The following PEX13 variants were observed in gnomAD, a reference collection of about 807,000 sequenced individuals.
PEX13 encodes the protein peroxisome biogenesis factor 13.
A neutral mutation model predicts 34.5 loss-of-function variants in PEX13; 28 were observed. That is an observed-to-expected ratio of 0.81 (90% CI 0.60 to 1.11). The LOEUF is 1.11. Ranked by LOEUF, PEX13 falls within the 50% of genes most tolerant of loss-of-function variation. The probability of loss-of-function intolerance (pLI) is 0.00; values close to 1 mark genes in which losing one functional copy is unlikely to be tolerated. For missense variants in PEX13, 550 were observed against 491.0 expected, an observed-to-expected ratio of 1.12 and a Z score of -1.13; for synonymous variants, 177 against 175.1, an observed-to-expected ratio of 1.01 and a Z score of -0.09.
chr2:61,045,124 A>G (rs1162753425), intron 2 of PEX13, among the ~76,000 whole-genome samples: 1 of 152,244 alleles, frequency 6.6e-6, no homozygotes, highest in Non-Finnish European at 1.5e-5. Flanking sequence ...AATATGCTCA[A>G]TTAAAACCAC....
At chr2:61,027,839 C>CT (rs1393367838) in intron 1 of PEX13, among the ~76,000 whole-genome samples, 4 of 152,150 alleles carry the variant, frequency 2.6e-5, no homozygotes, top group African/African-American at 9.7e-5. Context: ...ATGCACTGCA[C>CT]TATCTGGCCG....
chr2:61,028,484 G>A (rs919355860), intron 1 of PEX13, among the ~76,000 whole-genome samples: 26 of 151,708 alleles, frequency 1.7e-4, no homozygotes, highest in Admixed American at 8.5e-4. Flanking sequence ...CCGCCTCTGG[G>A]GTTCAAGCGA....
intron 1 of PEX13, among the ~76,000 whole-genome samples, chr2:61,022,153 G>A (rs927591083): frequency 3.3e-5 from 5 of 152,264 alleles, no homozygotes; most frequent in African/African-American, 9.6e-5. Flanking sequence ...TGCCAGCAAC[G>A]GAACAAAGCT....
At chr2:61,021,244 T>TGGG (rs1016308113) in intron 1 of PEX13, among the ~76,000 whole-genome samples, 1 of 151,960 alleles carries the variant, frequency 6.6e-6, no homozygotes, top group African/African-American at 2.4e-5. Context: ...CGCAAGGGAT[T>TGGG]GGGGGATTTC....
intron 2 of PEX13, among the ~76,000 whole-genome samples, chr2:61,035,983 T>TAAA (rs1200600005): frequency 1.0e-5 from 1 of 98,368 alleles, no homozygotes. Context: ...AACTCCATCT[T>TAAA]AAAAAAAAAA....
At chr2:61,036,294 CT>C (rs1680533171) in intron 2 of PEX13, among the ~76,000 whole-genome samples, 1 of 152,138 alleles carries the variant, frequency 6.6e-6, no homozygotes, top group Non-Finnish European at 1.5e-5. Context: ...CAGGAAGATA[CT>C]CCTCGAGAAG....
At position 61,031,407 on chromosome 2, in the gene PEX13, T is replaced by A. The variant is rs760544518; in HGVS notation, c.93-12T>A. 7 of 1,603,154 alleles carry A rather than the reference T, an allele frequency of 4.4e-6. No homozygotes were observed. Among genetic ancestry groups the A allele is most frequent in the Middle Eastern group, 1.7e-4 (1 of 6,038 alleles). On this transcript the variant is annotated splice_polypyrimidine_tract_variant and intron_variant, in intron 1 of 3. Coordinates refer to ENST00000295030, the MANE Select transcript of PEX13 (RefSeq NM_002618.4). ...TGCTTAAATAACTGTTTTGAATCTT[T>A]TTTGGTTTTAGATCTGCTGATTTGG...
intron 1 of PEX13, among the ~76,000 whole-genome samples, chr2:61,025,358 CATT>C (rs553600004): frequency 1.4e-4 from 20 of 143,380 alleles, no homozygotes; most frequent in Non-Finnish European, 2.4e-4. Context: ...TTATTATTAT[CATT>C]ATTATTATTA....
chr2:61,032,090 C>A lies in PEX13; in HGVS notation c.764C>A (p.Ser255Tyr). 6.2e-7 allele frequency: 1 copy of A among 1,613,044 alleles called. No homozygotes were observed. Among genetic ancestry groups the A allele is most frequent in the Non-Finnish European group, 8.5e-7 (1 of 1,179,138 alleles). ...CCTTACCTCATTTGGAAACTATTGT[C>A]TACTCACAGTGATGAAGTAACAGGT... is the stretch of plus-strand genomic sequence containing the variant. Reference protein sequence around the residue: ...GGPYLIWKLLSTHSDEVTDSI... With the variant: ...GGPYLIWKLLYTHSDEVTDSI... The change falls in exon 2 of 4, where the codon TCT becomes TAT. Residue 255 changes from serine to tyrosine, a missense_variant. Physicochemically the swap from Ser to Tyr is moderately radical, Grantham distance 144 (BLOSUM62 -2). Coordinates refer to ENST00000295030, the MANE Select transcript of PEX13 (RefSeq NM_002618.4).
chr2:61,043,087 G>A (rs1382361696), intron 2 of PEX13, among the ~76,000 whole-genome samples: 7 of 152,108 alleles, frequency 4.6e-5, no homozygotes, highest in Admixed American at 4.6e-4. Context: ...GACACAACAA[G>A]AAGGCCCTTA....
At chr2:61,026,103 T>C (rs1680350025) in intron 1 of PEX13, among the ~76,000 whole-genome samples, 1 of 152,080 alleles carries the variant, frequency 6.6e-6, no homozygotes, top group African/African-American at 2.4e-5. Context: ...TTTTCCTCCT[T>C]GATTTTGTCT....
intron 2 of PEX13, among the ~76,000 whole-genome samples, chr2:61,034,354 T>C (rs1559037566): frequency 6.6e-6 from 1 of 152,136 alleles, no homozygotes; most frequent in Non-Finnish European, 1.5e-5. Context: ...GATAGCCAAA[T>C]AGGAACAGCT....
At chr2:61,026,020 T>C (rs922496912) in intron 1 of PEX13, among the ~76,000 whole-genome samples, 6 of 152,152 alleles carry the variant, frequency 3.9e-5, no homozygotes, top group African/African-American at 1.4e-4. Context: ...TCTCATCCTG[T>C]CAACCATCTC....
chr2:61,018,848 T>C (rs1680178865), intron 1 of PEX13: 1 of 152,342 alleles, frequency 6.6e-6, no homozygotes, highest in Non-Finnish European at 1.5e-5. Flanking sequence ...TTTTTCCCCA[T>C]TTAGGCTGCT....
At chr2:61,031,288 T>A (rs1680444758) in intron 1 of PEX13, 131 bp from the exon 2 acceptor site, 4 of 749,366 alleles carry the variant, frequency 5.3e-6, no homozygotes, top group Non-Finnish European at 9.2e-6. Context: ...TGAGACCCTG[T>A]CTCTAAATCA....
chr2:61,038,229 G>T lies in PEX13; in HGVS notation c.787+6116G>T, dbSNP rs1573556887. ...GAAACTATTCCAATTAATAGAAAAA[G>T]AGGGAATCCTCCCTAACTCATTTTA... On this transcript the variant is annotated intron_variant, in intron 2 of 3. Coordinates refer to ENST00000295030, the MANE Select transcript of PEX13 (RefSeq NM_002618.4). Among the ~76,000 whole-genome samples, 4 of 152,330 alleles carry T rather than the reference G, an allele frequency of 2.6e-5. 1 individual carries two copies. Among genetic ancestry groups the T allele is most frequent in the Admixed American group, 2.6e-4 (4 of 15,288 alleles).
intron 2 of PEX13, among the ~76,000 whole-genome samples, chr2:61,042,802 T>C (rs1680646168): frequency 6.6e-6 from 1 of 152,240 alleles, no homozygotes; most frequent in African/African-American, 2.4e-5. Flanking sequence ...TAAACTTGTT[T>C]AAGATTATTA....
intron 1 of PEX13, among the ~76,000 whole-genome samples, chr2:61,026,841 C>T (rs138685592): frequency 6.6e-6 from 1 of 151,652 alleles, no homozygotes; most frequent in African/African-American, 2.4e-5. Context: ...TTTTTGTTGG[C>T]TTTGTTTCTT....
At chr2:61,038,306 A>C (rs927135096) in intron 2 of PEX13, among the ~76,000 whole-genome samples, 19 of 152,188 alleles carry the variant, frequency 1.2e-4, no homozygotes, top group South Asian at 1.2e-3. Flanking sequence ...CACACACACA[A>C]AAGAATTGTA....
Sources: allele counts gnomAD v4.1 joint callset (sites outside exome capture counted in the v4.1 genomes callset), GRCh38; gene constraint gnomAD v4.1.1; transcripts MANE v1.5; gene names NCBI Gene and HGNC (gene_info 2026-07-23, HGNC 2026-07-21).